MRTFB: variants seen among roughly 807,000 people sequenced by gnomAD.
MRTFB encodes the protein myocardin related transcription factor B, also known as myocardin-related transcription factor B.
MRTFB carries 29 observed loss-of-function variants against 104.2 expected under a neutral mutation model. The observed-to-expected ratio is 0.28, with a 90% CI of 0.21 to 0.38. MRTFB has a LOEUF of 0.38. Ranked by LOEUF, MRTFB falls within the 10% of genes least tolerant of loss-of-function variation. The pLI is 1.00. For synonymous variants in MRTFB, 535 were observed against 519.5 expected (o/e 1.03, Z -0.41); for missense variants, 1,270 against 1,341.6 (o/e 0.95, Z 0.83).
chr16:14,141,673 A>C (rs1012285627), intron 3 of MRTFB: 2 of 152,088 alleles, frequency 1.3e-5, no homozygotes, highest in Non-Finnish European at 2.9e-5. Context: ...CCTACTTATT[A>C]GACTTACCTT....
the MRTFB span, among the ~76,000 whole-genome samples, chr16:14,025,321 T>C: frequency 1.3e-5 from 2 of 152,166 alleles, no homozygotes; most frequent in African/African-American, 4.8e-5. Flanking sequence ...GCTGGGACAA[T>C]AGGCACGCAC....
rs773817857 is a variant in MRTFB, at chr16:14,260,978, C to T, written c.2834C>T (p.Thr945Ile). The change falls in exon 17 of 17, where the codon ACC becomes ATC. Residue 945 changes from threonine to isoleucine, a missense_variant. Thr to Ile is a moderately conservative substitution (Grantham distance 89). Around this residue, in one of 3 missense-constraint regions of MRTFB, gnomAD observed 1,144 missense variants for 1,131.5 expected, o/e 1.01. Coordinates refer to ENST00000571589, the MANE Select transcript of MRTFB (RefSeq NM_001308142.2). Reference sequence around the variant, plus strand: ...ATGAGACCAGTGACAGCCAGCATCACCACAATGCCAGTGAATACAGTGGTG... The same window carrying T: ...ATGAGACCAGTGACAGCCAGCATCATCACAATGCCAGTGAATACAGTGGTG... Reference protein sequence around the residue: ...SKMRPVTASITTMPVNTVVSR... With the variant: ...SKMRPVTASIITMPVNTVVSR... The T allele has an allele frequency of 1.9e-6, 3 of 1,614,074 alleles. No individual in the cohort carries two copies. Among genetic ancestry groups the T allele is most frequent in the Admixed American group, 1.7e-5 (1 of 60,010 alleles).
At chr16:14,001,281 C>G in the MRTFB span, among the ~76,000 whole-genome samples, 1 of 152,186 alleles carries the variant, frequency 6.6e-6, no homozygotes, top group Non-Finnish European at 1.5e-5. Context: ...ACAGCTGGAT[C>G]CAGGATGGAA....
At chr16:14,051,416 G>T in the MRTFB span, among the ~76,000 whole-genome samples, 2 of 151,608 alleles carry the variant, frequency 1.3e-5, no homozygotes, top group African/African-American at 4.8e-5. Flanking sequence ...GAGACATACA[G>T]ATGCACTCAT....
At chr16:14,011,173 C>G in the MRTFB span, among the ~76,000 whole-genome samples, 5 of 152,334 alleles carry the variant, frequency 3.3e-5, no homozygotes, top group Admixed American at 3.3e-4. Context: ...ATCCCAGGAG[C>G]CCAGGCAATG....
At chr16:14,001,090 C>A in the MRTFB span, among the ~76,000 whole-genome samples, 32 of 152,374 alleles carry the variant, frequency 2.1e-4, no homozygotes, top group Middle Eastern at 3.4e-3. Flanking sequence ...TCCGCAGTAC[C>A]TGCCCTTTGA....
At chr16:14,061,341 A>G in the MRTFB span, among the ~76,000 whole-genome samples, 1 of 152,138 alleles carries the variant, frequency 6.6e-6, no homozygotes, top group Non-Finnish European at 1.5e-5. Context: ...GCTAGTCAGA[A>G]CACCTCACCC....
At chr16:14,131,092 T>C (rs1162540446) in intron 2 of MRTFB, among the ~76,000 whole-genome samples, 2 of 152,194 alleles carry the variant, frequency 1.3e-5, no homozygotes, top group African/African-American at 4.8e-5. Context: ...TTAAGCTTTA[T>C]TGAGGTTATA....
At chr16:14,257,927 A>T (rs1212301159) in intron 15 of MRTFB, among the ~76,000 whole-genome samples, 174 bp from the exon 16 acceptor site, 1 of 152,238 alleles carries the variant, frequency 6.6e-6, no homozygotes, top group African/African-American at 2.4e-5. Flanking sequence ...TGTGTCAACT[A>T]ACCAGCTGTA....
chr16:14,164,482 ACT>A (rs1373995446), intron 3 of MRTFB, among the ~76,000 whole-genome samples: 1 of 152,148 alleles, frequency 6.6e-6, no homozygotes, highest in Non-Finnish European at 1.5e-5. Flanking sequence ...GTGTTCACAC[ACT>A]ACATTTTCTT....
At chr16:14,225,658 ATT>A in intron 8 of MRTFB, among the ~76,000 whole-genome samples, 1 of 133,522 alleles carries the variant, frequency 7.5e-6, no homozygotes, top group African/African-American at 2.8e-5. Flanking sequence ...TCCAGAAAGC[ATT>A]CATTCATTCA....
intron 2 of MRTFB, among the ~76,000 whole-genome samples, chr16:14,099,550 A>G (rs904004370): frequency 6.6e-6 from 1 of 151,588 alleles, no homozygotes; most frequent in Non-Finnish European, 1.5e-5. Context: ...TTTTTTGTAG[A>G]GACAGGGTTT....
chr16:14,067,612 A>G (rs2033537593), upstream of MRTFB, among the ~76,000 whole-genome samples: 1 of 152,126 alleles, frequency 6.6e-6, no homozygotes, highest in Non-Finnish European at 1.5e-5. Context: ...GTGACTTCCA[A>G]GTCATATCTT....
At chr16:14,054,138 G>C in the MRTFB span, among the ~76,000 whole-genome samples, 10 of 152,090 alleles carry the variant, frequency 6.6e-5, no homozygotes, top group Non-Finnish European at 1.2e-4. Context: ...GGCTTTGCGC[G>C]TGCTGTTCCC....
chr16:14,037,966 G>A, the MRTFB span, among the ~76,000 whole-genome samples: 7 of 152,296 alleles, frequency 4.6e-5, no homozygotes, highest in Admixed American at 2.6e-4. Context: ...ACCTACGGTC[G>A]TTATTTGTAA....
At chr16:14,086,677 C>T (rs148232203) in intron 2 of MRTFB, among the ~76,000 whole-genome samples, 91 of 152,116 alleles carry the variant, frequency 6.0e-4, no homozygotes, top group Non-Finnish European at 1.0e-3. Context: ...TTTGCTTATA[C>T]GGTAGTTTTC....
chr16:14,234,381 A>C, intron 9 of MRTFB, 98 bp downstream of exon 9: 1 of 1,400,674 alleles, frequency 7.1e-7, no homozygotes, highest in Non-Finnish European at 9.6e-7. Flanking sequence ...CAACTTGCTC[A>C]GCCTGCCTTT....
chr16:14,136,284 GA>G (rs924891436), intron 2 of MRTFB, among the ~76,000 whole-genome samples: 11 of 150,514 alleles, frequency 7.3e-5, no homozygotes, highest in African/African-American at 1.7e-4. Flanking sequence ...AAAAAAAAAA[GA>G]AAAAAAAAGT....
chr16:14,249,890 G>A (rs1054643446), intron 13 of MRTFB, among the ~76,000 whole-genome samples: 2 of 152,180 alleles, frequency 1.3e-5, no homozygotes, highest in African/African-American at 4.8e-5. Flanking sequence ...GAACTGTCTG[G>A]GTGAAACCAG....
Sources: allele counts gnomAD v4.1 joint callset (sites outside exome capture counted in the v4.1 genomes callset), GRCh38; gene constraint gnomAD v4.1.1; regional missense constraint gnomAD v4.1.1; transcripts MANE v1.5; gene names NCBI Gene and HGNC (gene_info 2026-07-23, HGNC 2026-07-21).